The following COL28A1 variants were observed in gnomAD, a reference collection of about 807,000 sequenced individuals.
COL28A1 encodes collagen type XXVIII alpha 1 chain.
In COL28A1, 161 loss-of-function variants were observed where a neutral mutation model predicts 150.2. The observed-to-expected ratio is 1.07, with a 90% CI of 0.94 to 1.22. The LOEUF (loss-of-function observed/expected upper bound fraction) is 1.22. Ranked by LOEUF, COL28A1 falls within the 50% of genes most tolerant of loss-of-function variation. The pLI is 0.00. For synonymous variants in COL28A1, 552 were observed against 469.7 expected, an observed-to-expected ratio of 1.18 and a Z score of -2.26; for missense variants, 1,617 against 1,388.3, an observed-to-expected ratio of 1.16 and a Z score of -2.62.
chr7:7,439,917 T>C (rs752826895), intron 21 of COL28A1, among the ~76,000 whole-genome samples: 6 of 152,222 alleles, frequency 3.9e-5, no homozygotes, highest in Non-Finnish European at 8.8e-5. Flanking sequence ...GTACAGGTGA[T>C]GTTTTGTATC....
chr7:7,440,709 T>A (rs1025467226), intron 21 of COL28A1, 81 bp downstream of exon 21: 1 of 613,354 alleles, frequency 1.6e-6, no homozygotes, highest in Non-Finnish European at 2.9e-6. Flanking sequence ...GAATCCAATT[T>A]TCAGTGGAAA....
At chr7:7,458,220 C>T (rs1787329945) in intron 15 of COL28A1, among the ~76,000 whole-genome samples, 1 of 152,084 alleles carries the variant, frequency 6.6e-6, no homozygotes, top group Non-Finnish European at 1.5e-5. Flanking sequence ...AGTTCGAGAC[C>T]AGCCTGACCA....
At chr7:7,383,683 T>TATATATATAG (rs1782016443) in intron 27 of COL28A1, among the ~76,000 whole-genome samples, 1 of 13,200 alleles carries the variant, frequency 7.6e-5, no homozygotes, top group Non-Finnish European at 5.0e-4. Context: ...TGTGTGTGTG[T>TATATATATAG]ATATATATAT....
chr7:7,381,593 C>G lies in COL28A1; in HGVS notation c.2156G>C (p.Gly719Ala), dbSNP rs769189367. The change falls in exon 28 of 35, where the codon GGC (glycine) becomes GCC (alanine). Residue 719 changes from glycine (G) to alanine (A), a missense_variant. Coordinates refer to ENST00000399429, the MANE Select transcript of COL28A1 (RefSeq NM_001037763.3). ...CATTGTGCCCTTTGGGCCTGGGAAG[C>G]CTTGTGGTCCTTGTTCCCCCTACAT... ...QGIKGEQGPQGFPGPKGTMGH... is the reference protein window; with the variant it reads ...QGIKGEQGPQAFPGPKGTMGH... The G allele has an allele frequency of 1.5e-5, 25 of 1,613,482 alleles. No individual in the cohort carries two copies. In the Admixed American group the frequency reaches 3.3e-4, roughly 22 times the overall value.
At chr7:7,493,418 A>T (rs1453360137) in intron 11 of COL28A1, among the ~76,000 whole-genome samples, 1 of 152,164 alleles carries the variant, frequency 6.6e-6, no homozygotes, top group Non-Finnish European at 1.5e-5. Flanking sequence ...TCTTACCTTG[A>T]GCCCATGAAA....
chr7:7,454,490 A>T (rs1786977349), intron 16 of COL28A1, among the ~76,000 whole-genome samples: 2 of 151,790 alleles, frequency 1.3e-5, no homozygotes, highest in South Asian at 4.2e-4. Flanking sequence ...CTACCTCGAA[A>T]TTTTTTTTTC....
intron 13 of COL28A1, 70 bp from the exon 14 acceptor site, chr7:7,477,250 G>A: frequency 2.5e-6 from 2 of 788,532 alleles, no homozygotes; most frequent in Non-Finnish European, 4.5e-6. Flanking sequence ...TGAAAAAGAG[G>A]AAAGAGGAAG....
intron 7 of COL28A1, among the ~76,000 whole-genome samples, chr7:7,516,273 T>C (rs1489615054): frequency 6.6e-6 from 1 of 152,230 alleles, no homozygotes; most frequent in Non-Finnish European, 1.5e-5. Flanking sequence ...GCTGAGATAA[T>C]GGCCTTTAAA....
intron 3 of COL28A1, among the ~76,000 whole-genome samples, chr7:7,530,982 A>G (rs1468103979): frequency 6.6e-6 from 1 of 152,194 alleles, no homozygotes; most frequent in African/African-American, 2.4e-5. Context: ...AACTTGGTAC[A>G]AATATAGCCT....
chr7:7,371,251 T>C (rs1487696358), intron 32 of COL28A1, among the ~76,000 whole-genome samples: 1 of 152,178 alleles, frequency 6.6e-6, no homozygotes, highest in East Asian at 1.9e-4. Flanking sequence ...CTGTAACAAA[T>C]TACTAACTCC....
chr7:7,427,062 G>A (rs759734618), intron 25 of COL28A1, among the ~76,000 whole-genome samples: 5 of 152,184 alleles, frequency 3.3e-5, no homozygotes, highest in Non-Finnish European at 7.3e-5. Context: ...TGAAGGAAAA[G>A]TACGTACATA....
chr7:7,542,088 G>A, the COL28A1 span, among the ~76,000 whole-genome samples: 5 of 152,318 alleles, frequency 3.3e-5, no homozygotes, highest in South Asian at 2.1e-4. Flanking sequence ...GGTGGCTCAC[G>A]CCTGTAATCC....
chr7:7,542,157 G>A, the COL28A1 span, among the ~76,000 whole-genome samples: 1 of 152,138 alleles, frequency 6.6e-6, no homozygotes, highest in Non-Finnish European at 1.5e-5. Context: ...AGGCCATCCT[G>A]GCCAACATAG....
chr7:7,543,047 A>G, the COL28A1 span, among the ~76,000 whole-genome samples: 1 of 152,228 alleles, frequency 6.6e-6, no homozygotes, highest in Admixed American at 6.5e-5. Context: ...TTTATCAGAA[A>G]TGTTATTGAT....
the COL28A1 span, among the ~76,000 whole-genome samples, chr7:7,340,407 G>A: frequency 2.0e-5 from 3 of 152,150 alleles, no homozygotes; most frequent in Non-Finnish European, 4.4e-5. Flanking sequence ...AAATTCTTGG[G>A]ACTACTTAAC....
At chr7:7,455,971 C>T in intron 16 of COL28A1, 73 bp downstream of exon 16, 1 of 1,598,504 alleles carries the variant, frequency 6.3e-7, no homozygotes, top group Non-Finnish European at 8.5e-7. Flanking sequence ...GTTTGCAGGA[C>T]TGGCCTTCAA....
Position 7,529,689 on chromosome 7 carries a change from G to A in COL28A1, c.681+1659C>T, listed in dbSNP as rs1390908909. 2.0e-5 allele frequency among the ~76,000 whole-genome samples: 3 copies of A among 152,174 alleles called. No homozygotes were observed. In the East Asian group the frequency reaches 5.8e-4, roughly 29 times the overall value. On this transcript the variant is annotated intron_variant, in intron 3 of 34. Transcript: ENST00000399429. The stretch of plus-strand genomic sequence containing the variant: ...TACACCTGTGGCCAAACAAGGAGCT[G>A]CCTGTCCCGCATCTTCTATGGTCAG...
intron 21 of COL28A1, among the ~76,000 whole-genome samples, chr7:7,439,217 C>T (rs892435705): frequency 2.6e-5 from 4 of 152,178 alleles, no homozygotes; most frequent in African/African-American, 9.7e-5. Flanking sequence ...TGAAGCCTCC[C>T]GCTGTATTGA....
chr7:7,524,214 G>T lies in COL28A1; in HGVS notation c.702+15C>A. 8.2e-7 allele frequency: 1 copy of T among 1,213,030 alleles called. No individual in the cohort carries two copies. The highest frequency in any genetic ancestry group is 1.2e-6 in the Non-Finnish European group (1 of 814,152). The allele number at this position is 1,213,030 out of a possible 1,614,324, so 75.1% of individuals were successfully genotyped here. ...TTTGGAGTAATTCGTAGTAATCAAA[G>T]CATGTGGTGCTTACCTTCTTTTCAA... On this transcript the variant is annotated intron_variant, in intron 4 of 34. Transcript: ENST00000399429.
Sources: allele counts gnomAD v4.1 joint callset (sites outside exome capture counted in the v4.1 genomes callset), GRCh38; gene constraint gnomAD v4.1.1; transcripts MANE v1.5; gene names NCBI Gene and HGNC (gene_info 2026-07-23, HGNC 2026-07-21).